ZNF699: variants seen among roughly 807,000 people sequenced by gnomAD.
ZNF699 encodes the protein zinc finger protein 699.
In ZNF699, 18 loss-of-function variants were observed where a neutral mutation model predicts 22.5. That is an observed-to-expected ratio of 0.80 (90% confidence interval 0.55 to 1.19). The LOEUF (loss-of-function observed/expected upper bound fraction) is 1.19. Among genes scored for constraint, ZNF699 ranks in the 50% most tolerant of loss-of-function variants. The probability of loss-of-function intolerance (pLI) is 0.00; values close to 1 mark genes in which losing one functional copy is unlikely to be tolerated. For synonymous variants in ZNF699, 241 were observed against 262.3 expected, an observed-to-expected ratio of 0.92 and a Z score of 0.78; for missense variants, 670 against 763.4, an observed-to-expected ratio of 0.88 and a Z score of 1.44.
At chr19:9,305,260 AACACATAC>A in intron 1 of ZNF699, 136 bp from the exon 2 acceptor site, 12 of 650,472 alleles carry the variant, frequency 1.8e-5, no homozygotes, top group Non-Finnish European at 2.7e-5. Flanking sequence ...CTCCCCTCAA[AACACATAC>A]ACACACACAC....
intron 1 of ZNF699, 74 bp downstream of exon 1, chr19:9,309,276 G>C (rs1453720634): frequency 2.0e-5 from 3 of 151,950 alleles, no homozygotes; most frequent in East Asian, 3.9e-4. Context: ...ACCGCGCTTG[G>C]CCCAAACACT....
chr19:9,304,968 T>C (rs2066321978), intron 2 of ZNF699, 104 bp downstream of exon 2: 4 of 793,962 alleles, frequency 5.0e-6, no homozygotes, highest in East Asian at 2.7e-5. Context: ...TAAAATACTA[T>C]GTGGTCCAAT....
At chr19:9,300,493 A>G (rs1470324783) in intron 3 of ZNF699, among the ~76,000 whole-genome samples, 2 of 152,208 alleles carry the variant, frequency 1.3e-5, no homozygotes, top group African/African-American at 4.8e-5. Flanking sequence ...CTGCACACCA[A>G]TGTTCATAGT....
At position 9,291,873 on chromosome 19, in the gene ZNF699, A is replaced by G. The variant is rs1599247914; in HGVS notation, c.*3602T>C. On this transcript the variant is annotated 3_prime_UTR_variant, in exon 6 of 6. Transcript: ENST00000591998. ...TAGGCACAGGCCACCACGCCTGGCT[A>G]ATTTTTTTAGTACAGACAGGGTTTC... 1 of 151,860 alleles carries G rather than the reference A, an allele frequency of 6.6e-6. No homozygotes were observed. The highest frequency in any genetic ancestry group is 2.1e-4 in the South Asian group (1 of 4,812). The allele number at this position is 151,860 out of a possible 1,614,324, so 9.4% of individuals were successfully genotyped here. A position where few individuals can be genotyped will look rare whatever the true frequency, so the allele number is the denominator to read the frequency against.
At position 9,297,192 on chromosome 19, in the gene ZNF699, C is replaced by A; in HGVS notation, c.470+104G>T. On this transcript the variant is annotated intron_variant, in intron 5 of 5. Transcript: ENST00000591998. This position sits in a 1 kb window ranked among gnomAD's most constrained non-coding sequence, Gnocchi z 4.3. ...TGAAAATTCTTTCTCAAACCACAAT[C>A]TTTGATCTAGGCTTATTTATATATA... The A allele has an allele frequency of 8.1e-7, 1 of 1,227,998 alleles. No homozygotes were observed. The highest frequency in any genetic ancestry group is 1.1e-6 in the Non-Finnish European group (1 of 893,492). The allele number at this position is 1,227,998 out of a possible 1,614,324, so 76.1% of individuals were successfully genotyped here.
At position 9,296,008 on chromosome 19, in the gene ZNF699, C is replaced by T; in HGVS notation, c.1396G>A (p.Val466Met). Residue 466 changes from valine to methionine, a missense_variant, in exon 6 of 6, where the codon GTG becomes ATG. Transcript: ENST00000591998. Reference sequence around the variant, plus strand: ...TGTATCTTTCCAGTGTGATCTCTCACATGTGCTCTAAAGGACGAGGGACAA... The same window carrying T: ...TGTATCTTTCCAGTGTGATCTCTCATATGTGCTCTAAAGGACGAGGGACAA... The part of the protein sequence containing the change: ...FSCPSSFRAH[V>M]RDHTGKIQYE... 2 of 1,613,674 alleles carry T rather than the reference C, an allele frequency of 1.2e-6. No homozygotes were observed. Among genetic ancestry groups the T allele is most frequent in the Non-Finnish European group, 1.7e-6 (2 of 1,179,938 alleles).
intron 3 of ZNF699, among the ~76,000 whole-genome samples, chr19:9,300,371 C>T (rs1273243420): frequency 2.6e-5 from 4 of 152,186 alleles, no homozygotes; most frequent in East Asian, 1.9e-4. Context: ...TGAGCCACCG[C>T]GCCCGGCTGG....
At chr19:9,308,633 A>T (rs944696021) in intron 1 of ZNF699, among the ~76,000 whole-genome samples, 1 of 152,224 alleles carries the variant, frequency 6.6e-6, no homozygotes, top group African/African-American at 2.4e-5. Flanking sequence ...CTAAAAAGAA[A>T]TAGGAATAAA....
Position 9,302,312 on chromosome 19 carries a change from A to G in ZNF699, c.175+66T>C, listed in dbSNP as rs996266315. ...CATTCCTCAGCCCAAATCCTAGAAT[A>G]AAGTCAATTTAGTGAGATAAAATAA... On this transcript the variant is annotated intron_variant, in intron 3 of 5. Coordinates refer to ENST00000591998, the MANE Select transcript of ZNF699 (RefSeq NM_198535.3). 3.8e-6 allele frequency: 6 copies of G among 1,586,248 alleles called. No individual in the cohort carries two copies. The East Asian group carries it at 1.4e-4, about 36-fold the overall frequency.
intron 3 of ZNF699, among the ~76,000 whole-genome samples, chr19:9,302,049 T>C (rs1043554521): frequency 2.6e-5 from 4 of 152,018 alleles, no homozygotes; most frequent in Non-Finnish European, 4.4e-5. Flanking sequence ...ATTACAAGCA[T>C]GCACCACCAC....
At chr19:9,298,665 C>A (rs1195552831) in intron 3 of ZNF699, among the ~76,000 whole-genome samples, 2 of 152,150 alleles carry the variant, frequency 1.3e-5, no homozygotes, top group African/African-American at 4.8e-5. Context: ...AAGGTTACCT[C>A]ATAATTTTGT....
intron 3 of ZNF699, among the ~76,000 whole-genome samples, chr19:9,298,445 C>CAA (rs758610688): frequency 5.9e-5 from 6 of 101,586 alleles, no homozygotes; most frequent in African/African-American, 7.4e-5. Flanking sequence ...GACTCTATCT[C>CAA]AAAAAAAAAA....
chr19:9,295,923 A>T lies in ZNF699; in HGVS notation c.1481T>A (p.Leu494Gln), dbSNP rs753856740. Residue 494 changes from leucine to glutamine, a missense_variant, in exon 6 of 6, where the codon CTA (leucine) becomes CAA (glutamine). By Grantham distance (113) the Leu-to-Gln change is moderately radical. Coordinates refer to ENST00000591998, the MANE Select transcript of ZNF699 (RefSeq NM_198535.3). ...FSRSSSLTEH[L>Q]RTHSGEKPYE... ...CGGCTTCTCTCCGCTGTGAGTTCTT[A>T]GGTGTTCGGTGAGGGATGAGGAACG... 3 of 1,613,726 alleles carry T rather than the reference A, an allele frequency of 1.9e-6. No homozygotes were observed. The highest frequency in any genetic ancestry group is 3.3e-5 in the Admixed American group (2 of 59,976).
chr19:9,300,736 G>C (rs181582942), intron 3 of ZNF699, among the ~76,000 whole-genome samples: 1 of 152,298 alleles, frequency 6.6e-6, no homozygotes, highest in South Asian at 2.1e-4. Flanking sequence ...TTTGCAGAAG[G>C]CAACATCATT....
chr19:9,297,944 C>T lies in ZNF699; in HGVS notation c.222G>A (p.Glu74=). The T allele has an allele frequency of 6.2e-7, 1 of 1,613,686 alleles. No homozygotes were observed. ...CTCTCTTCACTGTCTGCAGGTCCTC[C>T]TCTTGTTCCCACTGGGAGATCAGAT... The part of the protein sequence containing the change: ...TPHLISQWEQ[E]EDLQTVKREL... Residue 74 remains glutamate (E), a synonymous_variant, in exon 4 of 6, where the codon GAG becomes GAA. Transcript: ENST00000591998. This position sits in a 1 kb window ranked among gnomAD's most constrained non-coding sequence, Gnocchi z 4.3.
chr19:9,305,406 G>C (rs1181440820), intron 1 of ZNF699, among the ~76,000 whole-genome samples: 1 of 152,182 alleles, frequency 6.6e-6, no homozygotes, highest in Non-Finnish European at 1.5e-5. Flanking sequence ...TAAAGAAGAG[G>C]TTAAGAGTGC....
intron 1 of ZNF699, among the ~76,000 whole-genome samples, chr19:9,305,825 C>T (rs942669548): frequency 6.6e-6 from 1 of 152,032 alleles, no homozygotes; most frequent in African/African-American, 2.4e-5. Flanking sequence ...CCTCAGCCTC[C>T]CCAGTAGCTG....
chr19:9,296,353 T>C lies in ZNF699; in HGVS notation c.1051A>G (p.Ile351Val), dbSNP rs2066286283. The part of the protein sequence containing the change: ...GKAFSSSSHL[I>V]IHIRIHTGEK... The stretch of plus-strand genomic sequence containing the variant: ...CCAGTGTGAATTCTTATATGTATTA[T>C]AAGGTGAGAGGAAGAGCTAAAGGCC... Residue 351 changes from isoleucine to valine, a missense_variant, in exon 6 of 6, where the codon ATA (isoleucine) becomes GTA (valine). Coordinates refer to ENST00000591998, the MANE Select transcript of ZNF699 (RefSeq NM_198535.3). 6.2e-7 allele frequency: 1 copy of C among 1,614,062 alleles called. No individual in the cohort carries two copies.
In ZNF699 at chr19:9,301,240, G is replaced by A. The variant is rs148346489; in HGVS notation, c.175+1138C>T. Among the ~76,000 whole-genome samples the A allele has an allele frequency of 7.0e-3, 1,063 of 152,062 alleles. 8 individuals carry two copies. The highest frequency in any genetic ancestry group is 0.024 in the African/African-American group (1,001 of 41,454). On this transcript the variant is annotated intron_variant, in intron 3 of 5. Coordinates refer to ENST00000591998, the MANE Select transcript of ZNF699 (RefSeq NM_198535.3). Reference sequence around the variant, plus strand: ...GATATAATCAAGACAAGGTTATACTGGATTAGGATGGGCCCTAAATCCAAT... The same window carrying A: ...GATATAATCAAGACAAGGTTATACTAGATTAGGATGGGCCCTAAATCCAAT...
Sources: gnomAD v4.1 joint callset for allele counts (sites outside exome capture counted in the v4.1 genomes callset) on GRCh38, gnomAD v4.1.1 for gene constraint, Gnocchi (gnomAD v3.1) non-coding constraint, MANE v1.5 for transcripts, NCBI Gene and HGNC (gene_info 2026-07-23, HGNC 2026-07-21) for gene names.